SNRPD2: variants seen among roughly 807,000 people sequenced by gnomAD.
SNRPD2 encodes the protein small nuclear ribonucleoprotein D2 polypeptide, also known as small nuclear ribonucleoprotein Sm D2.
In SNRPD2, 1 loss-of-function variant was observed where a neutral mutation model predicts 11.5. The ratio of observed to expected loss-of-function variants is 0.09; its 90% CI spans 0.03 to 0.41. The LOEUF (loss-of-function observed/expected upper bound fraction) is 0.41, where lower values mean the gene tolerates loss of function less well. Ranked by LOEUF, SNRPD2 falls within the 10% of genes least tolerant of loss-of-function variation. The pLI is 0.98. For missense variants in SNRPD2, 77 were observed against 154.9 expected (o/e 0.50, Z 2.67); for synonymous variants, 63 against 61.5 (o/e 1.02, Z -0.12).
chr19:45,691,602 G>T, intron 1 of SNRPD2: 1 of 434,872 alleles, frequency 2.3e-6, no homozygotes, highest in Non-Finnish European at 4.2e-6. Context: ...GAACTCCTGT[G>T]TTCCAGCGAT....
chr19:45,690,091 G>C (rs532592763), intron 1 of SNRPD2, among the ~76,000 whole-genome samples: 2 of 151,486 alleles, frequency 1.3e-5, no homozygotes, highest in Non-Finnish European at 2.9e-5. Flanking sequence ...CAGCACTTTG[G>C]GAGGCCGAGG....
chr19:45,691,937 T>C lies in SNRPD2; in HGVS notation c.-49A>G, dbSNP rs771186656. 1.9e-6 allele frequency: 3 copies of C among 1,614,096 alleles called. No homozygotes were observed. The highest frequency in any genetic ancestry group is 2.5e-6 in the Non-Finnish European group (3 of 1,179,940). ...ACTCCCGTTTCCTCCGCGTTGCTGC[T>C]GCCTGAGGAGAGAGAGGCGGGACTT... On this transcript the variant is annotated 5_prime_UTR_variant, in exon 1 of 3. Coordinates refer to ENST00000342669, the MANE Select transcript of SNRPD2 (RefSeq NM_001384647.1).
At chr19:45,690,247 C>T (rs1286096185) in intron 1 of SNRPD2, among the ~76,000 whole-genome samples, 2 of 141,660 alleles carry the variant, frequency 1.4e-5, no homozygotes, top group African/African-American at 2.6e-5. Context: ...AGGAGAATGG[C>T]GTGAACCCCA....
upstream of SNRPD2, chr19:45,692,167 G>C: frequency 1.6e-6 from 1 of 611,300 alleles, no homozygotes; most frequent in Non-Finnish European, 2.7e-6. Context: ...GATTCAAACC[G>C]TTTCTTGAAG....
At position 45,688,305 on chromosome 19, in the gene SNRPD2, A is replaced by G. The variant is rs1354540580; in HGVS notation, c.182+82T>C. Reference sequence around the variant, plus strand: ...GCCATACACCCCAGGCTTCTGAGACAGCTGTCTTTGAGCTCTTCAGACTGG... The same window carrying G: ...GCCATACACCCCAGGCTTCTGAGACGGCTGTCTTTGAGCTCTTCAGACTGG... On this transcript the variant is annotated intron_variant, in intron 2 of 2. Coordinates refer to ENST00000342669, the MANE Select transcript of SNRPD2 (RefSeq NM_001384647.1). The surrounding 1 kb of genome is among the most constrained non-coding windows in gnomAD (Gnocchi z 4.1). 1 of 1,238,258 alleles carries G rather than the reference A, an allele frequency of 8.1e-7. No homozygotes were observed. Among genetic ancestry groups the G allele is most frequent in the Non-Finnish European group, 1.2e-6 (1 of 862,932 alleles). 76.7% of individuals were successfully genotyped at this position (1,238,258 alleles called of 1,614,324 possible).
chr19:45,688,475 G>A lies in SNRPD2; in HGVS notation c.94C>T (p.Leu32Phe). 1 of 1,613,932 alleles carries A rather than the reference G, an allele frequency of 6.2e-7. No homozygotes were observed. Among genetic ancestry groups the A allele is most frequent in the Non-Finnish European group, 8.5e-7 (1 of 1,179,796 alleles). Residue 32 changes from leucine (L) to phenylalanine (F), a missense_variant, in exon 2 of 3, where the codon CTC (leucine) becomes TTC (phenylalanine). Physicochemically the swap from Leu to Phe is conservative, Grantham distance 22 (BLOSUM62 0). Transcript: ENST00000342669. The surrounding 1 kb of genome is among the most constrained non-coding windows in gnomAD (Gnocchi z 4.1). ...EEFNTGPLSV[L>F]TQSVKNNTQV... is the part of the protein sequence containing the mutation. The stretch of plus-strand genomic sequence containing the variant: ...GTATTGTTCTTGACTGACTGTGTGA[G>A]CACAGAGAGTGGACCGGTGTTAAAT...
chr19:45,688,412 G>A lies in SNRPD2; in HGVS notation c.157C>T (p.Leu53=), dbSNP rs1409152267. The A allele has an allele frequency of 1.2e-6, 2 of 1,614,200 alleles. No homozygotes were observed. Among genetic ancestry groups the A allele is most frequent in the Admixed American group, 3.3e-5 (2 of 60,016 alleles). The part of the protein sequence containing the change: ...LINCRNNKKL[L]GRVKAFDRHC... Reference sequence around the variant, plus strand: ...CTATCGAAGGCCTTCACGCGGCCCAGGAGTTTCTTATTGTTGCGGCAGTTG... The same window carrying A: ...CTATCGAAGGCCTTCACGCGGCCCAAGAGTTTCTTATTGTTGCGGCAGTTG... Residue 53 remains leucine, a synonymous_variant, in exon 2 of 3, where the codon CTG becomes TTG. Transcript: ENST00000342669. The surrounding 1 kb of genome is among the most constrained non-coding windows in gnomAD (Gnocchi z 4.1).
Position 45,688,677 on chromosome 19 carries a change from C to G in SNRPD2, c.3-111G>C, listed in dbSNP as rs1445119855. The G allele has an allele frequency of 1.3e-6, 1 of 765,630 alleles. No individual in the cohort carries two copies. The highest frequency in any genetic ancestry group is 2.2e-6 in the Non-Finnish European group (1 of 444,802). The allele number at this position is 765,630 out of a possible 1,614,324, so 47.4% of individuals were successfully genotyped here. A position where few individuals can be genotyped will look rare whatever the true frequency, so the allele number is the denominator to read the frequency against. ...CTTCAGTGTCTCCCCAACCTTGTCC[C>G]ACCACATCTGTCCTCCTGTTCAGCC... On this transcript the variant is annotated intron_variant, in intron 1 of 2. Coordinates refer to ENST00000342669, the MANE Select transcript of SNRPD2 (RefSeq NM_001384647.1). The surrounding 1 kb of genome is among the most constrained non-coding windows in gnomAD (Gnocchi z 4.1).
At chr19:45,691,732 G>A (rs1038024521) in intron 1 of SNRPD2, 155 bp downstream of exon 1, 1 of 930,254 alleles carries the variant, frequency 1.1e-6, no homozygotes, top group East Asian at 2.5e-5. Context: ...AAGGCCCCAC[G>A]CCCGTTCTCA....
chr19:45,690,610 T>G (rs1333370222), intron 1 of SNRPD2: 2 of 151,586 alleles, frequency 1.3e-5, no homozygotes, highest in African/African-American at 4.8e-5. Flanking sequence ...GGCGGGTGGA[T>G]CATTTGAGGT....
At chr19:45,689,431 G>A (rs1026211646) in intron 1 of SNRPD2, 1 of 346,404 alleles carries the variant, frequency 2.9e-6, no homozygotes, top group Non-Finnish European at 5.7e-6. Context: ...ACTTTAGGAG[G>A]TCAAGGTGGA....
At chr19:45,691,693 G>T in intron 1 of SNRPD2, 194 bp downstream of exon 1, 1 of 720,158 alleles carries the variant, frequency 1.4e-6, no homozygotes, top group Non-Finnish European at 2.5e-6. Context: ...TGATAAAGCT[G>T]TCCCCTCTCC....
chr19:45,690,383 C>G (rs1475927825), intron 1 of SNRPD2, among the ~76,000 whole-genome samples: 1 of 149,838 alleles, frequency 6.7e-6, no homozygotes, highest in Non-Finnish European at 1.5e-5. Context: ...TGCTTGTAAT[C>G]CTAGCTACTT....
chr19:45,691,869 A>G lies in SNRPD2; in HGVS notation c.2+18T>C. ...CCCTCAACCTCATTCCCGCCGCCTA[A>G]GCCTAGCCCGGCCTCACATGATGGT... On this transcript the variant is annotated intron_variant, in intron 1 of 2. Coordinates refer to ENST00000342669, the MANE Select transcript of SNRPD2 (RefSeq NM_001384647.1). 6.2e-7 allele frequency: 1 copy of G among 1,614,072 alleles called. No homozygotes were observed.
intron 1 of SNRPD2, 123 bp downstream of exon 1, chr19:45,691,764 G>C: frequency 8.2e-7 from 1 of 1,222,638 alleles, no homozygotes; most frequent in Non-Finnish European, 1.2e-6. Context: ...AGAAAAGCAG[G>C]ACGCTGCATC....
chr19:45,691,254 C>T (rs998337540), intron 1 of SNRPD2, among the ~76,000 whole-genome samples: 1 of 152,070 alleles, frequency 6.6e-6, no homozygotes, highest in Non-Finnish European at 1.5e-5. Flanking sequence ...CCTCAGCCTC[C>T]CGAATAGCTG....
At position 45,688,617 on chromosome 19, in the gene SNRPD2, G is replaced by A. The variant is rs1205391663; in HGVS notation, c.3-51C>T. The stretch of plus-strand genomic sequence containing the variant: ...AAGTGAGAGAGGCTGGAGTTGAGAG[G>A]CTGGAGCTGTGAGGATGGGTGATCA... On this transcript the variant is annotated intron_variant, in intron 1 of 2. Transcript: ENST00000342669. This position sits in a 1 kb window ranked among gnomAD's most constrained non-coding sequence, Gnocchi z 4.1. 2 of 1,488,146 alleles carry A rather than the reference G, an allele frequency of 1.3e-6. No homozygotes were observed. Among genetic ancestry groups the A allele is most frequent in the Non-Finnish European group, 1.9e-6 (2 of 1,068,198 alleles). The allele number at this position is 1,488,146 out of a possible 1,614,324, so 92.2% of individuals were successfully genotyped here.
Position 45,688,513 on chromosome 19 carries a change from C to T in SNRPD2, c.56G>A (p.Arg19Gln). ...SEMTPEELQK[R>Q]EEEEFNTGPL... is the part of the protein sequence containing the mutation. The stretch of plus-strand genomic sequence containing the variant: ...ACCGGTGTTAAATTCCTCCTCCTCT[C>T]GCTTCTGCAGCTCCTCTGGGGTCAT... The change falls in exon 2 of 3, where the codon CGA becomes CAA. Residue 19 changes from arginine (R) to glutamine (Q), a missense_variant. Physicochemically the swap from Arg to Gln is conservative, Grantham distance 43 (BLOSUM62 1). Coordinates refer to ENST00000342669, the MANE Select transcript of SNRPD2 (RefSeq NM_001384647.1). This position sits in a 1 kb window ranked among gnomAD's most constrained non-coding sequence, Gnocchi z 4.1. 2 of 1,614,138 alleles carry T rather than the reference C, an allele frequency of 1.2e-6. No homozygotes were observed. The highest frequency in any genetic ancestry group is 1.7e-6 in the Non-Finnish European group (2 of 1,179,998).
intron 1 of SNRPD2, 57 bp downstream of exon 1, chr19:45,691,830 C>A: frequency 6.2e-7 from 1 of 1,604,624 alleles, no homozygotes; most frequent in Admixed American, 1.7e-5. Flanking sequence ...CACACTCAAT[C>A]GGTCAAATAT....
Sources: allele counts gnomAD v4.1 joint callset (sites outside exome capture counted in the v4.1 genomes callset), GRCh38; gene constraint gnomAD v4.1.1; non-coding constraint Gnocchi (gnomAD v3.1); transcripts MANE v1.5; gene names NCBI Gene and HGNC (gene_info 2026-07-23, HGNC 2026-07-21).